CCNH: variants seen among roughly 807,000 people sequenced by gnomAD.
CCNH encodes cyclin H, also known as cyclin-H.
CCNH carries 31 observed loss-of-function variants against 41.9 expected under a neutral mutation model. That is an observed-to-expected ratio of 0.74 (90% CI 0.56 to 1.00). The LOEUF is 1.00. Ranked by LOEUF, CCNH falls within the 50% of genes least tolerant of loss-of-function variation. CCNH has a pLI of 0.00. For missense variants in CCNH, 362 were observed against 388.4 expected (o/e 0.93, Z 0.57); for synonymous variants, 138 against 136.1 (o/e 1.01, Z -0.10).
downstream of CCNH, chr5:87,392,598 C>G (rs114225514): frequency 5.3e-3 from 1,477 of 276,786 alleles, 30 homozygotes; most frequent in African/African-American, 0.031. Context: ...GATATTTTTG[C>G]TGTGCACTTT....
intron 9 of CCNH, chr5:87,338,152 G>A (rs2112386999): frequency 6.2e-7 from 1 of 1,602,952 alleles, no homozygotes; most frequent in Non-Finnish European, 8.5e-7. Flanking sequence ...TTTGGATCTT[G>A]TCCGTAATCA....
At chr5:87,373,924 A>G (rs1761131830), downstream of CCNH, among the ~76,000 whole-genome samples, 3 of 151,994 alleles carry the variant, frequency 2.0e-5, no homozygotes, top group Admixed American at 2.0e-4. Context: ...ACTGGGAGAA[A>G]TAACTTGTAA....
Position 87,361,778 on chromosome 5 carries a change from A to C in CCNH, c.*90+30992T>G, listed in dbSNP as rs3804234. Among the ~76,000 whole-genome samples the C allele has an allele frequency of 3.0e-4, 46 of 152,308 alleles. No homozygotes were observed. In the East Asian group the frequency reaches 8.9e-3, roughly 29 times the overall value. On this transcript the variant is annotated intron_variant and NMD_transcript_variant, in intron 9 of 9. Coordinates refer to the CCNH transcript ENST00000645953. The stretch of plus-strand genomic sequence containing the variant: ...GAAAAGTGAGGTTAGGGGTGTTAAC[A>C]CTTAGAAATTTCATCAGGGATACAT...
At chr5:87,374,363 A>G, downstream of CCNH, 1 of 1,554,130 alleles carries the variant, frequency 6.4e-7, no homozygotes, top group South Asian at 1.1e-5. Flanking sequence ...TTCTTTTACC[A>G]TATTGCATTT....
downstream of CCNH, chr5:87,387,029 T>C (rs1249300293): frequency 4.7e-6 from 4 of 855,408 alleles, no homozygotes; most frequent in East Asian, 1.1e-4. Flanking sequence ...AGCCTGCAAA[T>C]TTTTGTCTGC....
At chr5:87,401,133 AGG>A (rs1763374667) in intron 6 of CCNH, among the ~76,000 whole-genome samples, 1 of 152,234 alleles carries the variant, frequency 6.6e-6, no homozygotes, top group South Asian at 2.1e-4. Context: ...AGGTGCTAGA[AGG>A]GCCATACTCT....
In CCNH at chr5:87,401,722, T is replaced by C; in HGVS notation, c.740A>G (p.Gln247Arg). The change falls in exon 6 of 9, where the codon CAG (glutamine) becomes CGG (arginine). Residue 247 changes from glutamine (Q) to arginine (R), a missense_variant. By Grantham distance (43) the Gln-to-Arg change is conservative. Transcript: ENST00000256897. The part of the protein sequence containing the change: ...MLKENRTCLS[Q>R]LLDIMKSMRN... Reference sequence around the variant, plus strand: ...CTTACTTTTCATTATATCTAGTAACTGTGACAGGCAAGTTCTGTTCTCTTT... The same window carrying C: ...CTTACTTTTCATTATATCTAGTAACCGTGACAGGCAAGTTCTGTTCTCTTT... 6.3e-7 allele frequency: 1 copy of C among 1,592,464 alleles called. No homozygotes were observed.
chr5:87,362,503 T>C (rs2112456038), intron 9 of CCNH: 1 of 1,544,524 alleles, frequency 6.5e-7, no homozygotes, highest in Non-Finnish European at 8.9e-7. Context: ...TTTTACTTCA[T>C]TTCCATCAAG....
intron 7 of CCNH, 124 bp downstream of exon 7, chr5:87,399,270 G>T: frequency 1.4e-6 from 1 of 722,338 alleles, no homozygotes. Flanking sequence ...ATTCAATAAA[G>T]AAAATCTGAT....
At chr5:87,390,425 G>A (rs906245551), downstream of CCNH, among the ~76,000 whole-genome samples, 5 of 149,442 alleles carry the variant, frequency 3.3e-5, no homozygotes, top group African/African-American at 1.2e-4. Flanking sequence ...GTTTCTCCCC[G>A]CCCCTCCCCC....
At chr5:87,388,546 T>C (rs1762229731), downstream of CCNH, among the ~76,000 whole-genome samples, 2 of 152,116 alleles carry the variant, frequency 1.3e-5, no homozygotes, top group Admixed American at 1.3e-4. Context: ...TATTCCAAAA[T>C]CCGAAACACT....
chr5:87,389,438 C>A (rs144692925), downstream of CCNH: 1 of 1,614,166 alleles, frequency 6.2e-7, no homozygotes, highest in Non-Finnish European at 8.5e-7. Context: ...TAGAACGGAC[C>A]TGTCCCGTGA....
At chr5:87,368,866 C>T (rs1234826108) in intron 9 of CCNH, among the ~76,000 whole-genome samples, 1 of 152,142 alleles carries the variant, frequency 6.6e-6, no homozygotes, top group African/African-American at 2.4e-5. Flanking sequence ...GGTTGTTCTC[C>T]AGTGCTTTCA....
intron 9 of CCNH, chr5:87,363,424 A>G: frequency 6.2e-7 from 1 of 1,611,456 alleles, no homozygotes; most frequent in Non-Finnish European, 8.5e-7. Context: ...TTGAAAGCGA[A>G]AAACGAGCTA....
At chr5:87,380,177 T>C (rs565283672), upstream of CCNH, among the ~76,000 whole-genome samples, 12 of 152,302 alleles carry the variant, frequency 7.9e-5, no homozygotes, top group South Asian at 2.5e-3. Context: ...TCTGTTAATA[T>C]GCTTGTCGGC....
rs1329514288 is a variant in CCNH at position 87,376,905 on chromosome 5, G to A, written n.276C>T. The A allele has an allele frequency of 1.6e-5, 25 of 1,609,228 alleles. No individual in the cohort carries two copies. Among genetic ancestry groups the A allele is most frequent in the Non-Finnish European group, 2.1e-5 (25 of 1,175,598 alleles). ...GCTTATACTGCAAAAGGAACTTCAT[G>A]TAGTCTATGCTTTATCACATGTATG... is the stretch of plus-strand genomic sequence containing the variant. On this transcript the variant is annotated non_coding_transcript_exon_variant, in exon 1 of 1. Transcript: ENST00000607486.
At position 87,319,356 on chromosome 5, in the gene CCNH, G is replaced by C. The variant is rs577457199; in HGVS notation, c.*91-459C>G. Among the ~76,000 whole-genome samples the C allele has an allele frequency of 2.0e-5, 3 of 152,356 alleles. No homozygotes were observed. In the East Asian group the frequency reaches 5.8e-4, roughly 29 times the overall value. Reference sequence around the variant, plus strand: ...ACATTTCCCCCTCTGCACTGCCCTAGTAGAGGGTCTCCATGAGGACTCTGG... The same window carrying C: ...ACATTTCCCCCTCTGCACTGCCCTACTAGAGGGTCTCCATGAGGACTCTGG... On this transcript the variant is annotated intron_variant and NMD_transcript_variant, in intron 9 of 9. Transcript: ENST00000645953.
downstream of CCNH, among the ~76,000 whole-genome samples, chr5:87,375,667 G>C (rs141997094): frequency 6.6e-6 from 1 of 152,216 alleles, no homozygotes; most frequent in East Asian, 1.9e-4. Flanking sequence ...AAGGCTCCCA[G>C]TTCCTGTCCT....
At position 87,395,361 on chromosome 5, in the gene CCNH, A is replaced by T. The variant is rs188073758; in HGVS notation, c.873-257T>A. On this transcript the variant is annotated intron_variant, in intron 7 of 8. Transcript: ENST00000256897. ...CAAATCTAACACTGACCTAGGAAAG[A>T]GTGTGAAAAAATAGGAGCGAATATA... 5.0e-4 allele frequency among the ~76,000 whole-genome samples: 76 copies of T among 152,344 alleles called. No homozygotes were observed. The South Asian group carries it at 0.013, about 27-fold the overall frequency.
Sources: gnomAD v4.1 joint callset for allele counts (sites outside exome capture counted in the v4.1 genomes callset) on GRCh38, gnomAD v4.1.1 for gene constraint, MANE v1.5 for transcripts, NCBI Gene and HGNC (gene_info 2026-07-23, HGNC 2026-07-21) for gene names.